KCNJ3: variants seen among roughly 807,000 people sequenced by gnomAD.
KCNJ3 encodes the protein potassium inwardly rectifying channel subfamily J member 3.
Under a neutral mutation model 39.2 loss-of-function variants are expected in KCNJ3, and 4 were observed. The ratio of observed to expected loss-of-function variants is 0.10; its 90% CI spans 0.05 to 0.23. KCNJ3 has a LOEUF of 0.23. Among genes scored for constraint, KCNJ3 ranks in the 10% least tolerant of loss-of-function variants. KCNJ3 has a pLI of 1.00. For missense variants in KCNJ3, 276 were observed against 634.9 expected (o/e 0.43, Z 6.08); for synonymous variants, 230 against 237.4 (o/e 0.97, Z 0.29).
At chr2:154,764,169 T>C (rs2105191010) in intron 2 of KCNJ3, among the ~76,000 whole-genome samples, 1 of 152,370 alleles carries the variant, frequency 6.6e-6, no homozygotes. Context: ...TCCATTATAT[T>C]CTGGGCTAAA....
At chr2:154,793,968 C>T (rs1424367505) in intron 2 of KCNJ3, among the ~76,000 whole-genome samples, 1 of 151,734 alleles carries the variant, frequency 6.6e-6, no homozygotes, top group East Asian at 1.9e-4. Flanking sequence ...GAAGCAAATG[C>T]CTTGCTATTT....
intron 2 of KCNJ3, among the ~76,000 whole-genome samples, chr2:154,765,765 A>G (rs1321044567): frequency 6.6e-6 from 1 of 152,206 alleles, no homozygotes. Flanking sequence ...ATAACTTTAC[A>G]TACATCCTGG....
intron 2 of KCNJ3, among the ~76,000 whole-genome samples, chr2:154,824,185 A>C (rs1363753589): frequency 6.6e-6 from 1 of 152,100 alleles, no homozygotes; most frequent in East Asian, 1.9e-4. Context: ...AAATACAAAA[A>C]TCAGCCGGGC....
intron 2 of KCNJ3, among the ~76,000 whole-genome samples, chr2:154,826,920 G>A (rs1285113849): frequency 6.6e-6 from 1 of 152,170 alleles, no homozygotes; most frequent in Non-Finnish European, 1.5e-5. Flanking sequence ...CTTACTAAGT[G>A]TGTATAATTT....
chr2:154,778,594 G>A (rs758076155), intron 2 of KCNJ3, among the ~76,000 whole-genome samples: 1 of 152,190 alleles, frequency 6.6e-6, no homozygotes, highest in South Asian at 2.1e-4. Flanking sequence ...ATTAGACAGG[G>A]ATAGATTTCC....
chr2:154,735,072 T>C (rs954324194), intron 2 of KCNJ3, among the ~76,000 whole-genome samples: 1 of 146,706 alleles, frequency 6.8e-6, no homozygotes, highest in Non-Finnish European at 1.5e-5. Context: ...TGTAGGCCTG[T>C]GTGTGTGTGT....
chr2:154,729,334 A>T (rs889695461), intron 2 of KCNJ3, among the ~76,000 whole-genome samples: 7 of 152,204 alleles, frequency 4.6e-5, no homozygotes, highest in Admixed American at 1.3e-4. Context: ...TCATAGAAGA[A>T]TTTAACTAAT....
chr2:154,851,982 A>C (rs995418472), intron 2 of KCNJ3, among the ~76,000 whole-genome samples: 1 of 152,216 alleles, frequency 6.6e-6, no homozygotes, highest in Admixed American at 6.5e-5. Flanking sequence ...TAAGATGGTG[A>C]TATCATCAAA....
At position 154,855,088 on chromosome 2, in the gene KCNJ3, C is replaced by A. The variant is rs1283650975; in HGVS notation, c.1281C>A (p.Ala427=). The change falls in exon 3 of 3, where the codon GCC becomes GCA. Residue 427 remains alanine, a synonymous_variant. Coordinates refer to ENST00000295101, the MANE Select transcript of KCNJ3 (RefSeq NM_002239.4). The part of the protein sequence containing the change: ...LRMSSTTSEK[A]YSLGDLPMKL... ...TGAGTTCTACAACTTCAGAAAAAGC[C>A]TACAGCTTGGGAGACTTGCCCATGA... The A allele has an allele frequency of 1.9e-6, 3 of 1,613,926 alleles. No homozygotes were observed. In the South Asian group the frequency reaches 3.3e-5, roughly 18 times the overall value.
chr2:154,746,650 A>G lies in KCNJ3; in HGVS notation c.919+36831A>G, dbSNP rs564310664. ...TATATATGTATATATGTGTATATAT[A>G]TGTGTGTGTGTGTGTGTGTGTGTTT... On this transcript the variant is annotated intron_variant, in intron 2 of 2. Transcript: ENST00000295101. Among the ~76,000 whole-genome samples, 753 of 147,366 alleles carry G rather than the reference A, an allele frequency of 5.1e-3. 5 individuals carry two copies. The highest frequency in any genetic ancestry group is 0.017 in the African/African-American group (706 of 40,444).
At chr2:154,807,578 A>G (rs1435981745) in intron 2 of KCNJ3, among the ~76,000 whole-genome samples, 3 of 152,168 alleles carry the variant, frequency 2.0e-5, no homozygotes, top group Non-Finnish European at 4.4e-5. Flanking sequence ...TATCTATCCC[A>G]TGGGATGATC....
At chr2:154,771,780 A>G (rs940096632) in intron 2 of KCNJ3, among the ~76,000 whole-genome samples, 1 of 152,180 alleles carries the variant, frequency 6.6e-6, no homozygotes, top group African/African-American at 2.4e-5. Context: ...TCGTTGAGAG[A>G]TGGCAGGACA....
intron 2 of KCNJ3, among the ~76,000 whole-genome samples, chr2:154,827,878 C>T (rs1171836555): frequency 6.6e-6 from 1 of 152,040 alleles, no homozygotes; most frequent in East Asian, 1.9e-4. Context: ...TTTTGTTCTT[C>T]AATGTAACTT....
intron 2 of KCNJ3, among the ~76,000 whole-genome samples, chr2:154,735,592 A>C (rs998025759): frequency 2.0e-5 from 3 of 152,180 alleles, no homozygotes; most frequent in African/African-American, 4.8e-5. Flanking sequence ...TTCAGTTAAT[A>C]TAATTTTCTC....
intron 2 of KCNJ3, among the ~76,000 whole-genome samples, chr2:154,726,794 C>CGT (rs1685365139): frequency 9.5e-6 from 1 of 105,212 alleles, no homozygotes; most frequent in Non-Finnish European, 2.0e-5. Flanking sequence ...ATTTTATATA[C>CGT]ATACACACAC....
At chr2:154,783,436 G>A (rs1264265550) in intron 2 of KCNJ3, among the ~76,000 whole-genome samples, 2 of 152,160 alleles carry the variant, frequency 1.3e-5, no homozygotes, top group East Asian at 1.9e-4. Context: ...TTCATATGAT[G>A]CAGCAAGAGA....
At chr2:154,790,919 T>C (rs1686617600) in intron 2 of KCNJ3, among the ~76,000 whole-genome samples, 1 of 152,014 alleles carries the variant, frequency 6.6e-6, no homozygotes, top group Non-Finnish European at 1.5e-5. Flanking sequence ...TTTGAGTAAG[T>C]CAGAAAATAA....
At chr2:154,783,928 A>G (rs1344637511) in intron 2 of KCNJ3, among the ~76,000 whole-genome samples, 1 of 152,218 alleles carries the variant, frequency 6.6e-6, no homozygotes, top group Non-Finnish European at 1.5e-5. Flanking sequence ...TCCTGAACAT[A>G]TACAATGATG....
At chr2:154,817,494 A>C (rs1462328876) in intron 2 of KCNJ3, among the ~76,000 whole-genome samples, 1 of 152,198 alleles carries the variant, frequency 6.6e-6, no homozygotes, top group South Asian at 2.1e-4. Flanking sequence ...GTCACAAAAA[A>C]TGAAATTAAA....
Sources: allele counts gnomAD v4.1 joint callset (sites outside exome capture counted in the v4.1 genomes callset), GRCh38; gene constraint gnomAD v4.1.1; transcripts MANE v1.5; gene names NCBI Gene and HGNC (gene_info 2026-07-23, HGNC 2026-07-21).